ANKRD17: variants seen among roughly 807,000 people sequenced by gnomAD.
ANKRD17 encodes ankyrin repeat domain-containing protein 17.
ANKRD17 carries 19 observed loss-of-function variants against 229.7 expected under a neutral mutation model. The ratio of observed to expected loss-of-function variants is 0.08; its 90% confidence interval spans 0.06 to 0.12. The LOEUF (loss-of-function observed/expected upper bound fraction) is 0.12, where lower values mean the gene tolerates loss of function less well. Ranked by LOEUF, ANKRD17 falls within the 10% of genes least tolerant of loss-of-function variation. The pLI is 1.00. For missense variants in ANKRD17, 2,176 were observed against 3,176.8 expected (o/e 0.68, Z 7.57); for synonymous variants, 1,112 against 1,146.1 (o/e 0.97, Z 0.60).
intron 31 of ANKRD17, 80 bp downstream of exon 31, chr4:73,078,562 G>T: frequency 2.1e-6 from 3 of 1,430,696 alleles, no homozygotes; most frequent in Non-Finnish European, 2.8e-6. Flanking sequence ...AAAAGGAAAT[G>T]ACTATTAAAG....
chr4:73,149,665 G>A (rs1461190954), intron 7 of ANKRD17, among the ~76,000 whole-genome samples: 1 of 152,040 alleles, frequency 6.6e-6, no homozygotes, highest in African/African-American at 2.4e-5. Context: ...CCAGGAGTTT[G>A]AGCCAGGCCT....
chr4:73,213,147 C>T lies in ANKRD17; in HGVS notation c.394-35614G>A, dbSNP rs184705422. Among the ~76,000 whole-genome samples, 79 of 151,954 alleles carry T rather than the reference C, an allele frequency of 5.2e-4. 1 individual carries two copies. The highest frequency in any genetic ancestry group is 4.4e-5 in the Non-Finnish European group (3 of 67,974). ...TAGTTTCTCAAACTTAAGCATGTCA[C>T]ACAAATATATGTTGGTCTTATGATG... On this transcript the variant is annotated intron_variant, in intron 1 of 33. Transcript: ENST00000358602.
intron 1 of ANKRD17, among the ~76,000 whole-genome samples, chr4:73,196,906 A>G (rs1046318002): frequency 1.7e-4 from 26 of 152,156 alleles, no homozygotes; most frequent in African/African-American, 6.0e-4. Context: ...AAGAAATCTG[A>G]TTTTATTATT....
At chr4:73,146,414 A>G (rs558776696) in intron 10 of ANKRD17, among the ~76,000 whole-genome samples, 1 of 152,230 alleles carries the variant, frequency 6.6e-6, no homozygotes, top group Admixed American at 6.5e-5. Context: ...TTATTTCCTA[A>G]GCAATACTGA....
At chr4:73,152,523 G>A (rs1435134176) in intron 6 of ANKRD17, among the ~76,000 whole-genome samples, 1 of 152,032 alleles carries the variant, frequency 6.6e-6, no homozygotes, top group Non-Finnish European at 1.5e-5. Flanking sequence ...CCTGGAAGTA[G>A]CAGAGATGTT....
chr4:73,232,135 C>A (rs1743104001), intron 1 of ANKRD17, among the ~76,000 whole-genome samples: 1 of 152,168 alleles, frequency 6.6e-6, no homozygotes, highest in African/African-American at 2.4e-5. Flanking sequence ...GGCCATGGGA[C>A]ACACAATGGG....
At chr4:73,117,270 A>G (rs1443334902) in intron 22 of ANKRD17, among the ~76,000 whole-genome samples, 2 of 152,178 alleles carry the variant, frequency 1.3e-5, no homozygotes, top group Non-Finnish European at 2.9e-5. Flanking sequence ...TGTGAGAGAT[A>G]GGAACAAGGA....
chr4:73,185,687 T>C (rs1035000526), intron 1 of ANKRD17, among the ~76,000 whole-genome samples: 1 of 151,996 alleles, frequency 6.6e-6, no homozygotes, highest in Non-Finnish European at 1.5e-5. Flanking sequence ...CCACTTTGGC[T>C]ACAAAAAATA....
At chr4:73,203,636 T>C (rs1738982939) in intron 1 of ANKRD17, among the ~76,000 whole-genome samples, 1 of 151,308 alleles carries the variant, frequency 6.6e-6, no homozygotes. Flanking sequence ...CTGATGCCTG[T>C]AGTCCCAGCT....
Position 73,104,052 on chromosome 4 carries a change from A to C in ANKRD17, c.4402-1505T>G, listed in dbSNP as rs546324369. 3 of 152,302 alleles carry C rather than the reference A, an allele frequency of 2.0e-5. No individual in the cohort carries two copies. In the East Asian group the frequency reaches 5.8e-4, roughly 29 times the overall value. 9.4% of individuals were successfully genotyped at this position (152,302 alleles called of 1,614,324 possible). A position where few individuals can be genotyped will look rare whatever the true frequency, so the allele number is the denominator to read the frequency against. ...TTGTTCCTGAAAAGGGCAACAGTGAAGGAAAACCTGTAGGTAGAATACCCA... is the reference window on the plus strand; with the variant it reads ...TTGTTCCTGAAAAGGGCAACAGTGACGGAAAACCTGTAGGTAGAATACCCA... On this transcript the variant is annotated intron_variant, in intron 24 of 33. Transcript: ENST00000358602.
intron 14 of ANKRD17, among the ~76,000 whole-genome samples, chr4:73,141,059 G>A (rs1250596368): frequency 2.0e-5 from 3 of 152,200 alleles, no homozygotes; most frequent in African/African-American, 7.2e-5. Context: ...ACTGAAAAGA[G>A]CTGGTGAAAA....
intron 1 of ANKRD17, among the ~76,000 whole-genome samples, chr4:73,248,196 G>T (rs1476044017): frequency 6.6e-6 from 1 of 151,692 alleles, no homozygotes; most frequent in Non-Finnish European, 1.5e-5. Flanking sequence ...AGTTGTCAAG[G>T]ACACTCTAGA....
At chr4:73,238,537 C>T (rs923074413) in intron 1 of ANKRD17, among the ~76,000 whole-genome samples, 2 of 152,088 alleles carry the variant, frequency 1.3e-5, no homozygotes, top group East Asian at 3.8e-4. Flanking sequence ...TAAAACAGAG[C>T]AGTATTAACT....
intron 25 of ANKRD17, among the ~76,000 whole-genome samples, chr4:73,100,340 A>G (rs1723817503): frequency 6.6e-6 from 1 of 151,930 alleles, no homozygotes; most frequent in Admixed American, 6.6e-5. Context: ...AGGGGGCCTG[A>G]ATCGACCATA....
chr4:73,142,649 G>T lies in ANKRD17; in HGVS notation c.2076C>A (p.His692Gln). The T allele has an allele frequency of 2.5e-6, 4 of 1,613,974 alleles. No individual in the cohort carries two copies. The highest frequency in any genetic ancestry group is 3.4e-6 in the Non-Finnish European group (4 of 1,179,936). ...CATTTGAGTTACATACTTTCAAACGGTGAGTAGGATCTGCCCCATGAGCCA... is the reference window on the plus strand; with the variant it reads ...CATTTGAGTTACATACTTTCAAACGTTGAGTAGGATCTGCCCCATGAGCCA... The part of the protein sequence containing the change: ...LLLAHGADPT[H>Q]RLKDGSTMLI... The change falls in exon 12 of 34, where the codon CAC (histidine) becomes CAA (glutamine). Residue 692 changes from histidine to glutamine, a missense_variant. His to Gln is a conservative substitution (Grantham distance 24). Around this residue, in one of 18 missense-constraint regions of ANKRD17, gnomAD observed 275 missense variants for 386.9 expected, o/e 0.71. Transcript: ENST00000358602.
chr4:73,243,628 T>G (rs1300415884), intron 1 of ANKRD17, among the ~76,000 whole-genome samples: 2 of 152,182 alleles, frequency 1.3e-5, no homozygotes, highest in African/African-American at 2.4e-5. Context: ...TTGGTAGTCA[T>G]AAGGACAATA....
intron 1 of ANKRD17, among the ~76,000 whole-genome samples, chr4:73,185,785 C>G (rs1451539613): frequency 2.0e-5 from 3 of 151,962 alleles, no homozygotes; most frequent in African/African-American, 7.2e-5. Flanking sequence ...ATATTCAAAG[C>G]ACAGGCTATG....
chr4:73,105,676 C>T (rs1724526683), intron 24 of ANKRD17, among the ~76,000 whole-genome samples: 1 of 152,128 alleles, frequency 6.6e-6, no homozygotes, highest in African/African-American at 2.4e-5. Flanking sequence ...ACCTCCACCA[C>T]AGTTAGTTTA....
At chr4:73,154,245 G>T in intron 5 of ANKRD17, 132 bp from the exon 6 acceptor site, 1 of 408,976 alleles carries the variant, frequency 2.4e-6, no homozygotes, top group Non-Finnish European at 4.1e-6. Context: ...ATACATATAT[G>T]TAAATATATA....
Sources: allele counts gnomAD v4.1 joint callset (sites outside exome capture counted in the v4.1 genomes callset), GRCh38; gene constraint gnomAD v4.1.1; regional missense constraint gnomAD v4.1.1; transcripts MANE v1.5; gene names NCBI Gene and HGNC (gene_info 2026-07-23, HGNC 2026-07-21).